GLIPR1: variants seen among roughly 807,000 people sequenced by gnomAD.
GLIPR1 encodes the protein glioma pathogenesis-related protein 1.
In GLIPR1, 38 loss-of-function variants were observed where a neutral mutation model predicts 30.3. The observed-to-expected ratio is 1.26, with a 90% CI of 0.97 to 1.65. The LOEUF (loss-of-function observed/expected upper bound fraction) is 1.65, where lower values mean the gene tolerates loss of function less well. GLIPR1 is among the 40% of genes most tolerant of loss of function. GLIPR1 has a pLI of 0.00. For missense variants in GLIPR1, 285 were observed against 326.5 expected, an observed-to-expected ratio of 0.87 and a Z score of 0.98; for synonymous variants, 122 against 110.6, an observed-to-expected ratio of 1.10 and a Z score of -0.65.
chr12:75,490,727 G>A, intron 3 of GLIPR1: 2 of 410,106 alleles, frequency 4.9e-6, no homozygotes, highest in Non-Finnish European at 8.9e-6. Flanking sequence ...AGAGAGAGAG[G>A]GTGTGTGTGT....
rs561794738 is a variant in GLIPR1 at position 75,498,993 on chromosome 12, G to GA, written c.*21dup. ...TTTTGGACTAATACAATTCAGGAAA[G>GA]AAAAAACCCAAAAACCAACCTCATT... On this transcript the variant is annotated 3_prime_UTR_variant, in exon 6 of 6. Coordinates refer to ENST00000266659, the MANE Select transcript of GLIPR1 (RefSeq NM_006851.3). 5.8e-5 allele frequency: 88 copies of GA among 1,520,084 alleles called. No individual in the cohort carries two copies. Among genetic ancestry groups the GA allele is most frequent in the South Asian group, 5.3e-4 (40 of 76,172 alleles). 94.2% of individuals were successfully genotyped at this position (1,520,084 alleles called of 1,614,324 possible). A position where few individuals can be genotyped will look rare whatever the true frequency, so the allele number is the denominator to read the frequency against.
chr12:75,481,780 C>T (rs188784539), intron 1 of GLIPR1, 54 bp from the exon 2 acceptor site: 17 of 1,554,348 alleles, frequency 1.1e-5, no homozygotes, highest in Non-Finnish European at 1.5e-5. Context: ...CCACTGTACT[C>T]ACCCCAGTTA....
In GLIPR1 at chr12:75,490,520, TAA is replaced by T. The variant is rs1176569592; in HGVS notation, c.533+3_533+4del. ...TTTTATATGCAACTACGGACCAGGG[TAA>T]GTGCCTGAATCAACCGGTTTATAGG... On this transcript the variant is annotated splice_donor_region_variant and intron_variant, in intron 3 of 5. Transcript: ENST00000266659. 9.5e-7 allele frequency: 1 copy of T among 1,049,460 alleles called. No individual in the cohort carries two copies. The highest frequency in any genetic ancestry group is 3.4e-5 in the East Asian group (1 of 29,580). 65.0% of individuals were successfully genotyped at this position (1,049,460 alleles called of 1,614,324 possible).
chr12:75,502,916 T>C lies in GLIPR1; in HGVS notation c.*3938T>C, dbSNP rs2046404518. On this transcript the variant is annotated 3_prime_UTR_variant, in exon 6 of 6. Coordinates refer to ENST00000266659, the MANE Select transcript of GLIPR1 (RefSeq NM_006851.3). ...TTTCCTCCATGATCCAAAACTTCCA[T>C]TGTTTTTTCACTATGATCATCATTT... 6.6e-6 allele frequency: 1 copy of C among 152,036 alleles called. No homozygotes were observed. The allele number at this position is 152,036 out of a possible 1,614,324, so 9.4% of individuals were successfully genotyped here. A position where few individuals can be genotyped will look rare whatever the true frequency, so the allele number is the denominator to read the frequency against.
intron 3 of GLIPR1, chr12:75,492,087 A>AATT (rs2046326941): frequency 4.0e-5 from 4 of 101,038 alleles, no homozygotes; most frequent in Non-Finnish European, 8.6e-5. Flanking sequence ...ACTTTTCATG[A>AATT]CTTTTTTTTT....
At position 75,482,073 on chromosome 12, in the gene GLIPR1, C is replaced by A; in HGVS notation, c.414C>A (p.Tyr138Ter). 6.2e-7 allele frequency: 1 copy of A among 1,613,562 alleles called. No homozygotes were observed. Among genetic ancestry groups the A allele is most frequent in the Middle Eastern group, 1.6e-4 (1 of 6,062 alleles). The change falls in exon 2 of 6, where the codon TAC (tyrosine) becomes TAA (stop). Residue 138 changes from tyrosine to a stop codon, truncating the protein, a stop_gained. Coordinates refer to ENST00000266659, the MANE Select transcript of GLIPR1 (RefSeq NM_006851.3). LOFTEE classifies it high-confidence loss of function. ...TRICKKVCGHYTQVVWADSYK... is the reference protein window; with the variant it reads ...TRICKKVCGH ...TATGCAAAAAAGTCTGTGGCCACTA[C>A]ACTCAGGTAAGGATCTGCCCTATAT... is the stretch of plus-strand genomic sequence containing the variant.
chr12:75,501,542 C>G lies in GLIPR1; in HGVS notation c.*2564C>G. ...TCAATCCAGTTTGCACTGAAATAGGCATTAGCTGCCTCTAAATTATAAATT... is the reference window on the plus strand; with the variant it reads ...TCAATCCAGTTTGCACTGAAATAGGGATTAGCTGCCTCTAAATTATAAATT... On this transcript the variant is annotated 3_prime_UTR_variant, in exon 6 of 6. Transcript: ENST00000266659. 12 of 569,402 alleles carry G rather than the reference C, an allele frequency of 2.1e-5. No homozygotes were observed. In the South Asian group the frequency reaches 2.8e-4, roughly 13 times the overall value. The allele number at this position is 569,402 out of a possible 1,614,324, so 35.3% of individuals were successfully genotyped here.
rs116107307 is a variant in GLIPR1, at chr12:75,481,929, C to A, written c.270C>A (p.His90Gln). 1.2e-6 allele frequency: 2 copies of A among 1,614,028 alleles called. No individual in the cohort carries two copies. The highest frequency in any genetic ancestry group is 2.2e-5 in the East Asian group (1 of 44,894). ...NTRLKPPHKL[H>Q]PNFTSLGENI... ...GGCTGAAGCCACCCCACAAGCTGCA[C>A]CCAAACTTCACTTCACTGGGAGAGA... The change falls in exon 2 of 6, where the codon CAC becomes CAA. Residue 90 changes from histidine (H) to glutamine (Q), a missense_variant. Coordinates refer to ENST00000266659, the MANE Select transcript of GLIPR1 (RefSeq NM_006851.3).
intron 4 of GLIPR1, chr12:75,497,764 C>G (rs565541685): frequency 6.6e-6 from 1 of 152,184 alleles, no homozygotes; most frequent in East Asian, 1.9e-4. Flanking sequence ...TCAATAAATA[C>G]CCTTGGAGGC....
chr12:75,482,097 A>G lies in GLIPR1; in HGVS notation c.420+18A>G, dbSNP rs200003638. The G allele has an allele frequency of 6.2e-6, 10 of 1,606,372 alleles. No homozygotes were observed. The highest frequency in any genetic ancestry group is 3.4e-5 in the Admixed American group (2 of 59,342). On this transcript the variant is annotated intron_variant, in intron 2 of 5. Coordinates refer to ENST00000266659, the MANE Select transcript of GLIPR1 (RefSeq NM_006851.3). The stretch of plus-strand genomic sequence containing the variant: ...ACACTCAGGTAAGGATCTGCCCTAT[A>G]TTATCTTGAAACTGTCTTTTCAAGT...
At chr12:75,496,712 G>A (rs1211124267) in intron 4 of GLIPR1, 5 of 152,066 alleles carry the variant, frequency 3.3e-5, no homozygotes, top group Non-Finnish European at 7.4e-5. Flanking sequence ...GGACAGAGTC[G>A]GCCAAGTTCC....
chr12:75,485,561 A>ATTTATTTTTTTT (rs766932767), intron 2 of GLIPR1, among the ~76,000 whole-genome samples: 5 of 148,890 alleles, frequency 3.4e-5, no homozygotes, highest in Non-Finnish European at 7.5e-5. Context: ...TTATTTATTT[A>ATTTATTTTTTTT]TTTTTTTGAG....
Position 75,501,772 on chromosome 12 carries a change from G to C in GLIPR1, c.*2794G>C. The C allele has an allele frequency of 6.2e-7, 1 of 1,610,798 alleles. No homozygotes were observed. The highest frequency in any genetic ancestry group is 8.5e-7 in the Non-Finnish European group (1 of 1,178,308). On this transcript the variant is annotated 3_prime_UTR_variant, in exon 6 of 6. Coordinates refer to ENST00000266659, the MANE Select transcript of GLIPR1 (RefSeq NM_006851.3). ...TTTCCTTAGGTGGAATAAATGCTTTGTTTCTTTCCTCTTGTCTCTTACTGA... is the reference window on the plus strand; with the variant it reads ...TTTCCTTAGGTGGAATAAATGCTTTCTTTCTTTCCTCTTGTCTCTTACTGA...
Position 75,503,816 on chromosome 12 carries a change from T to G in GLIPR1, c.*4838T>G, listed in dbSNP as rs2046410078. 9 of 1,142,860 alleles carry G rather than the reference T, an allele frequency of 7.9e-6. No homozygotes were observed. The highest frequency in any genetic ancestry group is 1.1e-5 in the Non-Finnish European group (9 of 794,856). The allele number at this position is 1,142,860 out of a possible 1,614,324, so 70.8% of individuals were successfully genotyped here. ...CACACAATATATATATATACACATA[T>G]CCCACCTGAAATACTTTCAATAAAG... On this transcript the variant is annotated 3_prime_UTR_variant, in exon 6 of 6. Transcript: ENST00000266659.
chr12:75,495,599 TA>T lies in GLIPR1; in HGVS notation c.557del (p.Tyr186LeufsTer58). 6.2e-7 allele frequency: 1 copy of T among 1,608,504 alleles called. No individual in the cohort carries two copies. Among genetic ancestry groups the T allele is most frequent in the Non-Finnish European group, 8.5e-7 (1 of 1,174,986 alleles). Reference sequence around the variant, plus strand: ...CAGAGGGAATTACCCAACTTGGCCATATAAGAGAGGAGCCACCTGCAGTGCC... The same window carrying T: ...CAGAGGGAATTACCCAACTTGGCCATTAAGAGAGGAGCCACCTGCAGTGCC... ...GPGGNYPTWP[Y>X]KRGATCSACP... On this transcript the variant is annotated frameshift_variant, in exon 4 of 6. Transcript: ENST00000266659. LOFTEE classifies it high-confidence loss of function.
intron 2 of GLIPR1, among the ~76,000 whole-genome samples, chr12:75,487,448 A>G (rs560338394): frequency 2.1e-4 from 32 of 152,376 alleles, no homozygotes; most frequent in South Asian, 1.5e-3. Context: ...AGTGAGACAG[A>G]GGCCTAAGCT....
intron 3 of GLIPR1, chr12:75,494,931 C>G (rs2046341730): frequency 6.6e-6 from 1 of 152,210 alleles, no homozygotes; most frequent in Admixed American, 6.5e-5. Flanking sequence ...AAGATTATTT[C>G]ATTCAAGGTT....
In GLIPR1 at chr12:75,500,141, GA is replaced by G. The variant is rs554203139; in HGVS notation, c.*1164del. 11 of 425,170 alleles carry G rather than the reference GA, an allele frequency of 2.6e-5. No homozygotes were observed. The highest frequency in any genetic ancestry group is 4.5e-5 in the Non-Finnish European group (11 of 246,342). The allele number at this position is 425,170 out of a possible 1,614,324, so 26.3% of individuals were successfully genotyped here. On this transcript the variant is annotated 3_prime_UTR_variant, in exon 6 of 6. Transcript: ENST00000266659. ...CCTAAAGCAGTTAGAAATTTCTTCA[GA>G]TTAAGATAAAACAAATCATAAAATA... is the stretch of plus-strand genomic sequence containing the variant.
At chr12:75,486,846 T>C (rs1045032339) in intron 2 of GLIPR1, among the ~76,000 whole-genome samples, 4 of 152,174 alleles carry the variant, frequency 2.6e-5, no homozygotes, top group African/African-American at 9.6e-5. Flanking sequence ...GGGAACTTTC[T>C]GGGGCGATAA....
Sources: gnomAD v4.1 joint callset for allele counts (sites outside exome capture counted in the v4.1 genomes callset) on GRCh38, gnomAD v4.1.1 for gene constraint, MANE v1.5 for transcripts, NCBI Gene and HGNC (gene_info 2026-07-23, HGNC 2026-07-21) for gene names.